TMEM130: variants seen among roughly 807,000 people sequenced by gnomAD.
TMEM130 encodes transmembrane protein 130.
Under a neutral mutation model 42.9 loss-of-function variants are expected in TMEM130, and 37 were observed. The ratio of observed to expected loss-of-function variants is 0.86; its 90% CI spans 0.66 to 1.13. The LOEUF (loss-of-function observed/expected upper bound fraction) is 1.13, where lower values mean the gene tolerates loss of function less well. Among genes scored for constraint, TMEM130 ranks in the 50% most tolerant of loss-of-function variants. TMEM130 has a pLI of 0.00. For missense variants in TMEM130, 545 were observed against 562.6 expected (o/e 0.97, Z 0.32); for synonymous variants, 259 against 237.7 (o/e 1.09, Z -0.82).
intron 2 of TMEM130, among the ~76,000 whole-genome samples, chr7:98,862,178 A>T (rs1342110844): frequency 6.6e-6 from 1 of 152,180 alleles, no homozygotes; most frequent in Non-Finnish European, 1.5e-5. Flanking sequence ...TAAATTCATT[A>T]TTAGACTGGA....
chr7:98,855,023 G>A (rs578238543), intron 5 of TMEM130, among the ~76,000 whole-genome samples: 7 of 152,234 alleles, frequency 4.6e-5, no homozygotes, highest in Non-Finnish European at 8.8e-5. Context: ...GCGAAAGAGC[G>A]AGACTCCGTC....
In TMEM130 at chr7:98,869,411, G is replaced by C; in HGVS notation, c.85+366C>G. ...ACTGGGGAATTGTGGCGCGATGACG[G>C]ACCCTGGCGCATCCCCGCCTCCCTG... On this transcript the variant is annotated intron_variant, in intron 1 of 7. Coordinates refer to ENST00000339375, the MANE Select transcript of TMEM130 (RefSeq NM_152913.3). This position sits in a 1 kb window ranked among gnomAD's most constrained non-coding sequence, Gnocchi z 4.7. 2 of 1,204,672 alleles carry C rather than the reference G, an allele frequency of 1.7e-6. No individual in the cohort carries two copies. The highest frequency in any genetic ancestry group is 2.1e-6 in the Non-Finnish European group (2 of 956,640). The allele number at this position is 1,204,672 out of a possible 1,614,324, so 74.6% of individuals were successfully genotyped here.
intron 5 of TMEM130, among the ~76,000 whole-genome samples, chr7:98,853,581 T>A (rs1007938478): frequency 6.6e-6 from 1 of 152,182 alleles, no homozygotes; most frequent in East Asian, 1.9e-4. Flanking sequence ...TGAGCTGAGA[T>A]TGCACCACTG....
chr7:98,857,261 C>A (rs1482094661), intron 3 of TMEM130, among the ~76,000 whole-genome samples: 7 of 152,152 alleles, frequency 4.6e-5, no homozygotes, highest in Non-Finnish European at 8.8e-5. Flanking sequence ...TTAGAACTTT[C>A]AGGATAATAT....
chr7:98,860,040 G>T, intron 3 of TMEM130, 139 bp downstream of exon 3: 1 of 703,700 alleles, frequency 1.4e-6, no homozygotes, highest in Non-Finnish European at 2.0e-6. Context: ...CTGCACTCCA[G>T]CCTGGATGAC....
rs1794983190 is a variant in TMEM130, at chr7:98,869,530, G to GC, written c.85+246_85+247insG. 6.6e-6 allele frequency among the ~76,000 whole-genome samples: 1 copy of GC among 152,020 alleles called. No individual in the cohort carries two copies. The highest frequency in any genetic ancestry group is 1.5e-5 in the Non-Finnish European group (1 of 67,958). On this transcript the variant is annotated intron_variant, in intron 1 of 7. Transcript: ENST00000339375. This position sits in a 1 kb window ranked among gnomAD's most constrained non-coding sequence, Gnocchi z 4.7. ...GCGGTTTCCAGGGCAGGGCCAGCCTGGGGGGGTGGAAGCAGGAATCCAGGG... is the reference window on the plus strand; with the variant it reads ...GCGGTTTCCAGGGCAGGGCCAGCCTGCGGGGGGTGGAAGCAGGAATCCAGGG...
intron 3 of TMEM130, among the ~76,000 whole-genome samples, chr7:98,859,862 C>T (rs1794718419): frequency 6.6e-6 from 1 of 151,634 alleles, no homozygotes. Context: ...ACTAGCCTGG[C>T]CAACATGGTG....
rs1794397988 is a variant in TMEM130 at position 98,848,025 on chromosome 7, A to G, written c.*31T>C. ...GGAAACTCCAAGTCAGCAGTCAGTT[A>G]ACACTGAGATGGGGTGGGGAGGGGG... On this transcript the variant is annotated 3_prime_UTR_variant, in exon 8 of 8. Transcript: ENST00000339375. 6.3e-7 allele frequency: 1 copy of G among 1,594,038 alleles called. No homozygotes were observed. The highest frequency in any genetic ancestry group is 8.6e-7 in the Non-Finnish European group (1 of 1,166,726).
chr7:98,853,818 T>C (rs1446619016), intron 5 of TMEM130, among the ~76,000 whole-genome samples: 2 of 152,216 alleles, frequency 1.3e-5, no homozygotes, highest in Non-Finnish European at 2.9e-5. Context: ...TTGATTAGAC[T>C]GACTGATGAG....
Position 98,847,861 on chromosome 7 carries a change from G to A in TMEM130, c.*195C>T. 5.2e-6 allele frequency: 3 copies of A among 582,092 alleles called. No homozygotes were observed. Among genetic ancestry groups the A allele is most frequent in the Non-Finnish European group, 9.1e-6 (3 of 328,436 alleles). 36.1% of individuals were successfully genotyped at this position (582,092 alleles called of 1,614,324 possible). ...ATGTCAGTGGCTGGACTGTACAGAT[G>A]GGTGAATGGCTGGGGTCAGGGGTGA... On this transcript the variant is annotated 3_prime_UTR_variant, in exon 8 of 8. Transcript: ENST00000339375.
At chr7:98,851,934 C>T (rs782540997) in intron 5 of TMEM130, among the ~76,000 whole-genome samples, 3 of 152,016 alleles carry the variant, frequency 2.0e-5, no homozygotes, top group East Asian at 1.9e-4. Context: ...GAATAATAAG[C>T]ACATCCCCCT....
At chr7:98,867,558 C>G (rs1194560448) in intron 1 of TMEM130, among the ~76,000 whole-genome samples, 2 of 152,194 alleles carry the variant, frequency 1.3e-5, no homozygotes, top group African/African-American at 4.8e-5. Flanking sequence ...AATGGCCAAA[C>G]AGCATCTGCA....
chr7:98,863,000 G>T, intron 2 of TMEM130, 95 bp downstream of exon 2: 1 of 1,334,702 alleles, frequency 7.5e-7, no homozygotes, highest in Non-Finnish European at 1.0e-6. Flanking sequence ...GAACCTACGG[G>T]CCTAATCTGC....
chr7:98,866,939 A>AT (rs1794923835), intron 1 of TMEM130: 2 of 151,692 alleles, frequency 1.3e-5, no homozygotes, highest in African/African-American at 4.9e-5. Context: ...AAAAAAAAAA[A>AT]TTTAAAAATT....
At chr7:98,855,218 G>T (rs1218198313) in intron 5 of TMEM130, 22 bp downstream of exon 5, 2 of 1,608,388 alleles carry the variant, frequency 1.2e-6, no homozygotes, top group Non-Finnish European at 1.7e-6. Context: ...GGCACCCCCA[G>T]TGCGCTCTGG....
Position 98,856,061 on chromosome 7 carries a change from A to C in TMEM130, c.674T>G (p.Val225Gly). ...EEVEPDATRA[V>G]KQKTGDFSAS... ...GGAGAAGTCCCCGGTCTTCTGCTTC[A>C]CAGCCCTCGTGGCATCCGGCTCCAC... The change falls in exon 4 of 8, where the codon GTG (valine) becomes GGG (glycine). Residue 225 changes from valine to glycine, a missense_variant. By Grantham distance (109) the Val-to-Gly change is moderately radical. Transcript: ENST00000339375. 1 of 1,613,786 alleles carries C rather than the reference A, an allele frequency of 6.2e-7. No individual in the cohort carries two copies. The highest frequency in any genetic ancestry group is 8.5e-7 in the Non-Finnish European group (1 of 1,180,018).
At chr7:98,860,897 C>T (rs554938287) in intron 2 of TMEM130, among the ~76,000 whole-genome samples, 25 of 136,458 alleles carry the variant, frequency 1.8e-4, no homozygotes, top group African/African-American at 6.2e-4. Context: ...GAGCCAAGAT[C>T]GCGCCACTGC....
chr7:98,855,978 TG>T (rs1264624532), intron 4 of TMEM130, 38 bp downstream of exon 4: 1 of 1,601,976 alleles, frequency 6.2e-7, no homozygotes, highest in Non-Finnish European at 8.5e-7. Context: ...GACCCCACTC[TG>T]GAACGCCCAG....
intron 3 of TMEM130, among the ~76,000 whole-genome samples, chr7:98,858,641 A>C (rs929701527): frequency 1.3e-5 from 2 of 152,096 alleles, no homozygotes; most frequent in African/African-American, 2.4e-5. Flanking sequence ...TCTTGAGCCC[A>C]GGAGGTCGAG....
Sources: gnomAD v4.1 joint callset for allele counts (sites outside exome capture counted in the v4.1 genomes callset) on GRCh38, gnomAD v4.1.1 for gene constraint, Gnocchi (gnomAD v3.1) non-coding constraint, MANE v1.5 for transcripts, NCBI Gene and HGNC (gene_info 2026-07-23, HGNC 2026-07-21) for gene names.